Variants in PCDH11X observed in about 807,000 individuals in gnomAD.
The protein encoded by PCDH11X is protocadherin 11 X-linked.
Under a neutral mutation model 53.3 loss-of-function variants are expected in PCDH11X, and 18 were observed. That is an observed-to-expected ratio of 0.34 (90% confidence interval 0.23 to 0.50). PCDH11X has a LOEUF of 0.50. PCDH11X is among the 20% of genes least tolerant of loss of function. The pLI is 0.98. For synonymous variants in PCDH11X, 279 were observed against 393.3 expected (o/e 0.71, Z 3.44); for missense variants, 570 against 1,032.4 (o/e 0.55, Z 6.14).
intron 10 of PCDH11X, among the ~76,000 whole-genome samples, chrX:92,550,793 G>T (rs1430823918): frequency 9.1e-6 from 1 of 109,447 alleles, no homozygotes; most frequent in Non-Finnish European, 1.9e-5. Flanking sequence ...CATGAGTTCA[G>T]TTGTTTTGAT....
At chrX:91,809,820 T>C (rs1320554381) in intron 2 of PCDH11X, among the ~76,000 whole-genome samples, 186 bp downstream of exon 2, 1 of 110,473 alleles carries the variant, frequency 9.1e-6, no homozygotes, top group African/African-American at 3.3e-5. Context: ...AAATTTTTGC[T>C]GGAGGAATGG....
chrX:92,212,996 G>T (rs925681368), intron 7 of PCDH11X, among the ~76,000 whole-genome samples: 2 of 112,032 alleles, frequency 1.8e-5, no homozygotes, highest in East Asian at 2.8e-4. Flanking sequence ...TTTGAGGTAA[G>T]AATTATTTCA....
intron 6 of PCDH11X, among the ~76,000 whole-genome samples, chrX:92,121,981 G>GTTTTTTTT (rs746833949): frequency 1.4e-5 from 1 of 69,460 alleles, no homozygotes; most frequent in Admixed American, 1.7e-4. Context: ...AGTCATTTCT[G>GTTTTTTTT]TTTTTTTTTT....
chrX:91,859,974 A>T (rs1226755076), intron 5 of PCDH11X, among the ~76,000 whole-genome samples: 1 of 110,981 alleles, frequency 9.0e-6, no homozygotes, highest in Non-Finnish European at 1.9e-5. Flanking sequence ...ATGAATTTTA[A>T]AATAGTTTTT....
intron 6 of PCDH11X, among the ~76,000 whole-genome samples, chrX:91,918,474 A>G (rs1486246566): frequency 1.8e-5 from 2 of 109,837 alleles, no homozygotes; most frequent in Non-Finnish European, 3.8e-5. Context: ...CTAAACCTCT[A>G]GGAAGAATAT....
chrX:91,818,030 A>G (rs1401397482), intron 4 of PCDH11X, among the ~76,000 whole-genome samples: 1 of 111,910 alleles, frequency 8.9e-6, no homozygotes, highest in Non-Finnish European at 1.9e-5. Flanking sequence ...ATCTCTGAAA[A>G]GAAAATATAA....
chrX:92,014,950 A>G (rs866070632), intron 6 of PCDH11X, among the ~76,000 whole-genome samples: 4 of 110,981 alleles, frequency 3.6e-5, no homozygotes, highest in East Asian at 2.8e-4. Flanking sequence ...ACGAGTTAAT[A>G]GGTGCAGCAC....
intron 10 of PCDH11X, among the ~76,000 whole-genome samples, chrX:92,545,387 C>CTTT (rs566573698): frequency 7.7e-4 from 51 of 66,040 alleles, no homozygotes; most frequent in East Asian, 2.0e-3. Context: ...GGTTAAATTC[C>CTTT]TTTTTTTTTT....
At chrX:91,931,816 A>T (rs1015603729) in intron 6 of PCDH11X, among the ~76,000 whole-genome samples, 8 of 110,628 alleles carry the variant, frequency 7.2e-5, no homozygotes, top group African/African-American at 2.3e-4. Flanking sequence ...ACTTATATAT[A>T]TTTTTTCATC....
intron 8 of PCDH11X, among the ~76,000 whole-genome samples, chrX:92,347,953 A>G: frequency 8.9e-6 from 1 of 111,854 alleles, no homozygotes; most frequent in Non-Finnish European, 1.9e-5. Flanking sequence ...AAAGAAAAAG[A>G]CATTATACAT....
At chrX:92,329,929 G>T (rs1383417867) in intron 8 of PCDH11X, among the ~76,000 whole-genome samples, 1 of 110,772 alleles carries the variant, frequency 9.0e-6, no homozygotes, top group East Asian at 2.8e-4. Flanking sequence ...CAACAGTATG[G>T]CTACACTCAA....
rs768872843 is a variant in PCDH11X, at chrX:92,104,187, G to A, written c.3034-97188G>A. On this transcript the variant is annotated intron_variant, in intron 6 of 10. Coordinates refer to ENST00000682573, the MANE Select transcript of PCDH11X (RefSeq NM_032968.5). ...GGAGTGCTAGTCACGGAATGAAACT[G>A]TAAGCCGGAACAGGTGTGAGGAGGG... Among the ~76,000 whole-genome samples the A allele has an allele frequency of 2.4e-4, 27 of 111,191 alleles. No individual in the cohort carries two copies. The South Asian group carries it at 0.01, about 43-fold the overall frequency.
intron 8 of PCDH11X, among the ~76,000 whole-genome samples, chrX:92,266,881 A>G (rs1263352711): frequency 9.1e-6 from 1 of 109,315 alleles, no homozygotes; most frequent in Non-Finnish European, 1.9e-5. Flanking sequence ...ATTAGCTGGG[A>G]TTACAGGCGC....
At chrX:92,542,425 C>A (rs188340164) in intron 10 of PCDH11X, among the ~76,000 whole-genome samples, 1 of 111,461 alleles carries the variant, frequency 9.0e-6, no homozygotes, top group African/African-American at 3.3e-5. Context: ...TATTACCATA[C>A]TTTATGTTAT....
intron 10 of PCDH11X, among the ~76,000 whole-genome samples, chrX:92,550,530 A>T (rs1237765154): frequency 1.8e-4 from 20 of 109,719 alleles, no homozygotes; most frequent in Admixed American, 5.9e-4. Flanking sequence ...TAATAATCAA[A>T]TCATGGAGAA....
At chrX:92,535,983 C>A (rs1022551196) in intron 10 of PCDH11X, among the ~76,000 whole-genome samples, 1 of 106,991 alleles carries the variant, frequency 9.3e-6, no homozygotes, top group South Asian at 4.3e-4. Context: ...TTTTGTTTTA[C>A]GGGGTTTGAT....
chrX:92,463,431 G>A (rs1434332280), intron 9 of PCDH11X, among the ~76,000 whole-genome samples: 1 of 109,898 alleles, frequency 9.1e-6, no homozygotes, highest in East Asian at 2.9e-4. Flanking sequence ...TTGGATATAT[G>A]TATTGTTTTC....
intron 6 of PCDH11X, among the ~76,000 whole-genome samples, chrX:92,148,069 T>TCCCTTC (rs1569389092): frequency 1.1e-3 from 9 of 8,544 alleles, no homozygotes; most frequent in African/African-American, 4.8e-3. Flanking sequence ...TTTCTTTCTT[T>TCCCTTC]CTTTCTTTCT....
chrX:92,493,942 C>T (rs1603346537), intron 10 of PCDH11X, among the ~76,000 whole-genome samples: 2 of 110,052 alleles, frequency 1.8e-5, no homozygotes, highest in African/African-American at 6.6e-5. Context: ...CCACCACACC[C>T]GGCTGCTCCG....
Sources: allele counts gnomAD v4.1 joint callset (sites outside exome capture counted in the v4.1 genomes callset), GRCh38; gene constraint gnomAD v4.1.1; transcripts MANE v1.5; gene names NCBI Gene and HGNC (gene_info 2026-07-23, HGNC 2026-07-21).